The following RYR3 variants were observed in gnomAD, a reference collection of about 807,000 sequenced individuals.
The protein encoded by RYR3 is brain ryanodine receptor-calcium release channel.
Under a neutral mutation model 584.3 loss-of-function variants are expected in RYR3, and 207 were observed. The observed-to-expected ratio is 0.35, with a 90% CI of 0.32 to 0.40. The LOEUF (loss-of-function observed/expected upper bound fraction) is 0.40, where lower values mean the gene tolerates loss of function less well. Among genes scored for constraint, RYR3 ranks in the 10% least tolerant of loss-of-function variants. The pLI is 1.00. For missense variants in RYR3, 5,616 were observed against 6,089.2 expected, an observed-to-expected ratio of 0.92 and a Z score of 2.59; for synonymous variants, 2,416 against 2,248.5, an observed-to-expected ratio of 1.07 and a Z score of -2.11.
intron 96 of RYR3, among the ~76,000 whole-genome samples, chr15:33,854,109 C>G (rs2079386709): frequency 6.6e-6 from 1 of 151,538 alleles, no homozygotes; most frequent in Non-Finnish European, 1.5e-5. Context: ...GGCAGGAGAA[C>G]CGCTTGAACC....
intron 61 of RYR3, 121 bp from the exon 62 acceptor site, chr15:33,768,991 A>G (rs1192801346): frequency 1.5e-5 from 12 of 800,308 alleles, no homozygotes; most frequent in Non-Finnish European, 2.4e-5. Context: ...ACACAGGCCC[A>G]GGACTTTATG....
At chr15:33,768,900 A>G (rs1203410770) in intron 61 of RYR3, among the ~76,000 whole-genome samples, 193 bp downstream of exon 61, 1 of 152,114 alleles carries the variant, frequency 6.6e-6, no homozygotes, top group African/African-American at 2.4e-5. Context: ...TTTCCACACC[A>G]ATGAAAATTT....
intron 36 of RYR3, among the ~76,000 whole-genome samples, chr15:33,665,226 G>A (rs1490091901): frequency 1.3e-5 from 2 of 152,178 alleles, no homozygotes; most frequent in Non-Finnish European, 2.9e-5. Flanking sequence ...TGGGCTGTGG[G>A]TTCCCAAACT....
intron 60 of RYR3, among the ~76,000 whole-genome samples, chr15:33,763,669 A>G (rs1453006479): frequency 6.6e-6 from 1 of 152,104 alleles, no homozygotes; most frequent in Non-Finnish European, 1.5e-5. Flanking sequence ...CAAGGCAGGC[A>G]GATCACGAGG....
intron 74 of RYR3, chr15:33,815,447 A>G (rs1242060393): frequency 6.4e-6 from 1 of 155,590 alleles, no homozygotes; most frequent in East Asian, 1.9e-4. Context: ...CTAGGCAGAA[A>G]TTACATCTCT....
Position 33,741,285 on chromosome 15 carries a change from C to T in RYR3, c.7821-1081C>T, listed in dbSNP as rs192882541. Among the ~76,000 whole-genome samples, 83 of 152,282 alleles carry T rather than the reference C, an allele frequency of 5.5e-4. 1 individual carries two copies. Among genetic ancestry groups the T allele is most frequent in the Admixed American group, 3.9e-3 (59 of 15,294 alleles). On this transcript the variant is annotated intron_variant, in intron 51 of 103. Transcript: ENST00000634891. The stretch of plus-strand genomic sequence containing the variant: ...GTGAAAGGCCAACCTGGCCTTAGCA[C>T]GCATAGTCACCAGGGAAGGACTGCA...
At chr15:33,726,118 G>GC (rs1294357206) in intron 45 of RYR3, among the ~76,000 whole-genome samples, 1 of 152,090 alleles carries the variant, frequency 6.6e-6, no homozygotes. Flanking sequence ...TATTCCTGGG[G>GC]CCTGATACCA....
At chr15:33,450,923 T>C (rs116773264) in intron 1 of RYR3, among the ~76,000 whole-genome samples, 1 of 152,240 alleles carries the variant, frequency 6.6e-6, no homozygotes, top group African/African-American at 2.4e-5. Flanking sequence ...TCCCATTCCC[T>C]CAGAGGTTTG....
intron 1 of RYR3, among the ~76,000 whole-genome samples, chr15:33,349,250 C>T (rs944239758): frequency 6.6e-6 from 1 of 151,830 alleles, no homozygotes; most frequent in Non-Finnish European, 1.5e-5. Context: ...GATTCACATA[C>T]ACGTTTTGTG....
chr15:33,491,458 C>T (rs1362144023), intron 2 of RYR3, among the ~76,000 whole-genome samples: 1 of 152,182 alleles, frequency 6.6e-6, no homozygotes, highest in African/African-American at 2.4e-5. Context: ...TCTGACAGAC[C>T]TTGCTTAGGT....
intron 69 of RYR3, among the ~76,000 whole-genome samples, chr15:33,807,083 C>A (rs2076251231): frequency 6.6e-6 from 1 of 152,100 alleles, no homozygotes; most frequent in Non-Finnish European, 1.5e-5. Flanking sequence ...CAAGCATTGC[C>A]CCTTAGGTCA....
At chr15:33,608,942 C>G (rs1029033277) in intron 18 of RYR3, among the ~76,000 whole-genome samples, 1 of 152,194 alleles carries the variant, frequency 6.6e-6, no homozygotes, top group Non-Finnish European at 1.5e-5. Flanking sequence ...GCAGCTATGG[C>G]TAAATAAAGT....
chr15:33,668,816 T>G (rs1329334745), intron 36 of RYR3, among the ~76,000 whole-genome samples: 2 of 152,016 alleles, frequency 1.3e-5, no homozygotes, highest in East Asian at 3.9e-4. Context: ...AAGAAAATAA[T>G]CAGAGACATG....
chr15:33,629,174 C>A (rs978489040), intron 21 of RYR3, among the ~76,000 whole-genome samples: 1 of 152,200 alleles, frequency 6.6e-6, no homozygotes, highest in Non-Finnish European at 1.5e-5. Context: ...ATGGCTTCAC[C>A]ATTGAACTCC....
intron 81 of RYR3, among the ~76,000 whole-genome samples, chr15:33,824,922 T>C (rs992445980): frequency 2.0e-5 from 3 of 152,218 alleles, no homozygotes; most frequent in African/African-American, 7.2e-5. Flanking sequence ...GCTTTGTGGT[T>C]GCACTATGGC....
At chr15:33,313,045 ATACC>A (rs1020145707) in intron 1 of RYR3, among the ~76,000 whole-genome samples, 8 of 152,294 alleles carry the variant, frequency 5.3e-5, no homozygotes, top group East Asian at 3.9e-4. Flanking sequence ...AGAGAACTGC[ATACC>A]GGTTATGGCT....
chr15:33,834,319 C>T (rs1018596124), intron 86 of RYR3, among the ~76,000 whole-genome samples: 1 of 146,386 alleles, frequency 6.8e-6, no homozygotes, highest in Non-Finnish European at 1.5e-5. Flanking sequence ...CACACACACA[C>T]ACACAGTGAG....
chr15:33,845,108 A>G (rs1172535682), intron 93 of RYR3, 46 bp downstream of exon 93: 1 of 1,599,438 alleles, frequency 6.3e-7, no homozygotes, highest in East Asian at 2.2e-5. Context: ...CTTGAGGAAG[A>G]AATGTCCTTT....
intron 1 of RYR3, among the ~76,000 whole-genome samples, chr15:33,349,849 G>C (rs952310663): frequency 6.7e-6 from 1 of 150,098 alleles, no homozygotes; most frequent in Non-Finnish European, 1.5e-5. Context: ...GCGGTGTTTG[G>C]TTTTTTGTTC....
Sources: gnomAD v4.1 joint callset for allele counts (sites outside exome capture counted in the v4.1 genomes callset) on GRCh38, gnomAD v4.1.1 for gene constraint, MANE v1.5 for transcripts, NCBI Gene and HGNC (gene_info 2026-07-23, HGNC 2026-07-21) for gene names.